Variants in GALNT13 observed in about 807,000 individuals in gnomAD.
The protein encoded by GALNT13 is UDP-GalNAc:polypeptide N-acetylgalactosaminyltransferase 13.
In GALNT13, 28 loss-of-function variants were observed where a neutral mutation model predicts 64.2. That is an observed-to-expected ratio of 0.44 (90% CI 0.32 to 0.60). The LOEUF (loss-of-function observed/expected upper bound fraction) is 0.60. GALNT13 is among the 20% of genes least tolerant of loss of function. GALNT13 has a pLI of 0.05. For synonymous variants in GALNT13, 214 were observed against 224.6 expected (o/e 0.95, Z 0.42); for missense variants, 577 against 669.8 (o/e 0.86, Z 1.53).
chr2:153,899,933 ATATTTT>A (rs542136453), intron 1 of GALNT13, among the ~76,000 whole-genome samples: 1,340 of 86,272 alleles, frequency 0.016, 19 homozygotes, highest in African/African-American at 0.049. Context: ...ATATATATAT[ATATTTT>A]TTTTTTTTTT....
intron 3 of GALNT13, among the ~76,000 whole-genome samples, chr2:154,073,763 G>A (rs1222630212): frequency 6.6e-6 from 1 of 151,790 alleles, no homozygotes; most frequent in African/African-American, 2.4e-5. Flanking sequence ...TACTTGCTGA[G>A]TTTTGATGTA....
the GALNT13 span, among the ~76,000 whole-genome samples, chr2:153,234,035 TCA>T: frequency 3.9e-5 from 6 of 152,308 alleles, no homozygotes; most frequent in Middle Eastern, 3.4e-3. Context: ...ACAATTTAAG[TCA>T]CATAATTTAA....
At position 154,269,078 on chromosome 2, in the gene GALNT13, A is replaced by G. The variant is rs189677166; in HGVS notation, c.975+9940A>G. Among the ~76,000 whole-genome samples, 363 of 152,202 alleles carry G rather than the reference A, an allele frequency of 2.4e-3. 2 individuals are homozygous for G. Among genetic ancestry groups the G allele is most frequent in the African/African-American group, 8.3e-3 (343 of 41,562 alleles). ...CATGTATTTCCAATTTGTACAAGCA[A>G]TGAAGTGGAAAAGAAATGAGAGCTG... On this transcript the variant is annotated intron_variant, in intron 8 of 12. Transcript: ENST00000392825.
intron 3 of GALNT13, among the ~76,000 whole-genome samples, chr2:154,104,487 G>C (rs1702509792): frequency 6.6e-6 from 1 of 152,166 alleles, no homozygotes; most frequent in African/African-American, 2.4e-5. Flanking sequence ...AAAAACCTTG[G>C]CTACATCCAT....
At chr2:153,589,845 G>T in the GALNT13 span, among the ~76,000 whole-genome samples, 6 of 152,092 alleles carry the variant, frequency 3.9e-5, no homozygotes, top group East Asian at 9.6e-4. Context: ...CAATACATGA[G>T]AATTCAAGAT....
chr2:154,418,348 C>A (rs185246843), intron 11 of GALNT13, among the ~76,000 whole-genome samples: 3 of 151,910 alleles, frequency 2.0e-5, no homozygotes, highest in Admixed American at 6.6e-5. Flanking sequence ...CCTTATGTGG[C>A]AAAAAATATT....
At chr2:154,262,302 A>G (rs1001579814) in intron 8 of GALNT13, among the ~76,000 whole-genome samples, 1 of 152,162 alleles carries the variant, frequency 6.6e-6, no homozygotes, top group South Asian at 2.1e-4. Flanking sequence ...TCTCCATAAC[A>G]TAACGAACCT....
At chr2:153,433,914 G>A in the GALNT13 span, among the ~76,000 whole-genome samples, 5 of 151,756 alleles carry the variant, frequency 3.3e-5, no homozygotes, top group Non-Finnish European at 7.4e-5. Context: ...GTGCCATGTT[G>A]GTGTGCTGCA....
intron 3 of GALNT13, among the ~76,000 whole-genome samples, chr2:153,994,756 A>T (rs1215678028): frequency 2.7e-5 from 4 of 145,686 alleles, no homozygotes; most frequent in African/African-American, 4.9e-5. Flanking sequence ...CCACTTGTTG[A>T]TGGGGTTGTT....
chr2:153,656,339 T>TGTGTGTTTGTGTGC, the GALNT13 span, among the ~76,000 whole-genome samples: 10 of 141,474 alleles, frequency 7.1e-5, no homozygotes, highest in Admixed American at 7.1e-4. Flanking sequence ...TGTGTGTGTG[T>TGTGTGTTTGTGTGC]GCGCGCGCAC....
At chr2:154,115,400 C>T (rs1415486239) in intron 3 of GALNT13, among the ~76,000 whole-genome samples, 4 of 151,698 alleles carry the variant, frequency 2.6e-5, no homozygotes, top group Non-Finnish European at 5.9e-5. Context: ...TGTGCTGCAC[C>T]CATTAACTAA....
intron 8 of GALNT13, among the ~76,000 whole-genome samples, chr2:154,290,000 T>G (rs972445424): frequency 2.6e-5 from 4 of 152,134 alleles, no homozygotes; most frequent in African/African-American, 9.7e-5. Flanking sequence ...GACTCAGGAG[T>G]GCAGAGCTCT....
At chr2:154,293,378 A>C (rs934264208) in intron 8 of GALNT13, among the ~76,000 whole-genome samples, 6 of 152,186 alleles carry the variant, frequency 3.9e-5, no homozygotes, top group Non-Finnish European at 8.8e-5. Context: ...TTTTAAAGAA[A>C]CACAACATTT....
At chr2:153,210,406 A>G in the GALNT13 span, among the ~76,000 whole-genome samples, 20 of 152,330 alleles carry the variant, frequency 1.3e-4, no homozygotes, top group Middle Eastern at 3.4e-3. Context: ...TGAGATGACC[A>G]TATACAGAGT....
the GALNT13 span, among the ~76,000 whole-genome samples, chr2:153,300,124 G>A: frequency 2.0e-5 from 3 of 152,150 alleles, no homozygotes; most frequent in Non-Finnish European, 4.4e-5. Flanking sequence ...ATATCAAGAA[G>A]GAAAAGTGGG....
chr2:154,236,216 A>G (rs1689183824), intron 4 of GALNT13: 1 of 969,674 alleles, frequency 1.0e-6, no homozygotes, highest in South Asian at 3.5e-5. Flanking sequence ...TAAACACACA[A>G]AGAGATGTTA....
At chr2:153,783,434 G>C in the GALNT13 span, among the ~76,000 whole-genome samples, 1 of 151,988 alleles carries the variant, frequency 6.6e-6, no homozygotes, top group East Asian at 1.9e-4. Flanking sequence ...GTTTTTCCCA[G>C]ATGAGAATGT....
chr2:153,368,798 C>G, the GALNT13 span, among the ~76,000 whole-genome samples: 6 of 151,902 alleles, frequency 3.9e-5, no homozygotes, highest in African/African-American at 7.2e-5. Flanking sequence ...ATGAGAGGAT[C>G]TGAACAACAC....
intron 10 of GALNT13, among the ~76,000 whole-genome samples, chr2:154,405,057 A>T (rs1325324492): frequency 1.3e-5 from 2 of 152,182 alleles, no homozygotes; most frequent in Non-Finnish European, 2.9e-5. Context: ...GTATCTCTGC[A>T]AACAATGCAA....
Sources: allele counts gnomAD v4.1 joint callset (sites outside exome capture counted in the v4.1 genomes callset), GRCh38; gene constraint gnomAD v4.1.1; transcripts MANE v1.5; gene names NCBI Gene and HGNC (gene_info 2026-07-23, HGNC 2026-07-21).